Variants in ENTREP2 observed in about 807,000 individuals in gnomAD.
ENTREP2 encodes endosomal transmembrane epsin interactor 2, also known as protein ENTREP2.
At chr15:29,287,910 AC>A in the ENTREP2 span, among the ~76,000 whole-genome samples, 6 of 152,374 alleles carry the variant, frequency 3.9e-5, no homozygotes, top group African/African-American at 1.4e-4. Context: ...AAAAAGACCA[AC>A]AAGATCGAAC....
chr15:29,374,316 TATTCC>T, the ENTREP2 span: 1 of 152,140 alleles, frequency 6.6e-6, no homozygotes, highest in Non-Finnish European at 1.5e-5. Context: ...TATTTTTTAT[TATTCC>T]ATTCCATTTC....
chr15:29,500,132 T>C, the ENTREP2 span, among the ~76,000 whole-genome samples: 6 of 152,170 alleles, frequency 3.9e-5, no homozygotes, highest in East Asian at 1.2e-3. Context: ...AAATACAAAA[T>C]AGGGAATTCA....
chr15:29,269,335 G>A, the ENTREP2 span: 2 of 1,614,192 alleles, frequency 1.2e-6, no homozygotes, highest in Non-Finnish European at 1.7e-6. Context: ...GAAGAGGTCG[G>A]GGAAGATGTC....
At chr15:29,173,641 G>A in the ENTREP2 span, among the ~76,000 whole-genome samples, 5 of 152,102 alleles carry the variant, frequency 3.3e-5, no homozygotes, top group African/African-American at 4.8e-5. Flanking sequence ...GAATCGGGGG[G>A]AGATGGTCAC....
the ENTREP2 span, among the ~76,000 whole-genome samples, chr15:29,448,318 A>G: frequency 6.6e-6 from 1 of 152,156 alleles, no homozygotes; most frequent in Non-Finnish European, 1.5e-5. Flanking sequence ...AAACGAAGAC[A>G]CACCACTGAC....
At chr15:29,666,428 C>T in the ENTREP2 span, among the ~76,000 whole-genome samples, 6 of 151,940 alleles carry the variant, frequency 3.9e-5, no homozygotes, top group African/African-American at 9.7e-5. Context: ...CCCCCACCCT[C>T]GCCCAGACTG....
At chr15:29,409,798 T>C in the ENTREP2 span, among the ~76,000 whole-genome samples, 6 of 152,276 alleles carry the variant, frequency 3.9e-5, no homozygotes, top group African/African-American at 1.4e-4. Flanking sequence ...AAATTTCCAC[T>C]TTCCAGTTAT....
the ENTREP2 span, among the ~76,000 whole-genome samples, chr15:29,538,535 T>C: frequency 2.6e-5 from 4 of 151,292 alleles, no homozygotes; most frequent in Admixed American, 2.0e-4. Flanking sequence ...TGGCTCACGC[T>C]TGTAATCCCA....
the ENTREP2 span, among the ~76,000 whole-genome samples, chr15:29,666,695 T>G: frequency 6.6e-6 from 1 of 152,218 alleles, no homozygotes; most frequent in Admixed American, 6.5e-5. Context: ...GCACTTGTTA[T>G]GTCCTCTGCC....
At chr15:29,566,337 G>GT in the ENTREP2 span, among the ~76,000 whole-genome samples, 8 of 150,922 alleles carry the variant, frequency 5.3e-5, no homozygotes, top group East Asian at 2.0e-4. Context: ...TTTTTGTATT[G>GT]TTTTTTTTAG....
At chr15:29,520,870 ACTC>A in the ENTREP2 span, among the ~76,000 whole-genome samples, 1 of 152,146 alleles carries the variant, frequency 6.6e-6, no homozygotes, top group Non-Finnish European at 1.5e-5. Flanking sequence ...AAGATAAGTA[ACTC>A]CTGTACACTG....
At chr15:29,394,043 A>T in the ENTREP2 span, among the ~76,000 whole-genome samples, 1 of 152,174 alleles carries the variant, frequency 6.6e-6, no homozygotes, top group African/African-American at 2.4e-5. Flanking sequence ...CACAAAAGCA[A>T]AAAAATTAAA....
chr15:29,585,855 C>CAAAA, the ENTREP2 span, among the ~76,000 whole-genome samples: 1 of 110,874 alleles, frequency 9.0e-6, no homozygotes, highest in Non-Finnish European at 1.8e-5. Context: ...GACTCTGTCT[C>CAAAA]AAAAAAAAAA....
chr15:29,381,889 C>G, the ENTREP2 span: 1 of 1,476,478 alleles, frequency 6.8e-7, no homozygotes, highest in Non-Finnish European at 9.3e-7. Flanking sequence ...CATGGGCAAT[C>G]AAAACACTGT....
At chr15:29,353,981 C>T in the ENTREP2 span, among the ~76,000 whole-genome samples, 1 of 152,156 alleles carries the variant, frequency 6.6e-6, no homozygotes, top group Non-Finnish European at 1.5e-5. Context: ...AAGAGGTACC[C>T]AGAGAGCTGG....
chr15:29,317,614 C>T, the ENTREP2 span, among the ~76,000 whole-genome samples: 1 of 152,094 alleles, frequency 6.6e-6, no homozygotes, highest in Non-Finnish European at 1.5e-5. Context: ...TGCTTGAGTG[C>T]ATTAGACATA....
chr15:29,136,852 G>A, the ENTREP2 span, among the ~76,000 whole-genome samples: 7 of 152,262 alleles, frequency 4.6e-5, no homozygotes, highest in South Asian at 2.1e-4. Context: ...GTCTGCCTCC[G>A]GCTTCTTTCG....
At chr15:29,497,551 T>A in the ENTREP2 span, among the ~76,000 whole-genome samples, 1 of 152,174 alleles carries the variant, frequency 6.6e-6, no homozygotes, top group Non-Finnish European at 1.5e-5. Context: ...AATTTATCCA[T>A]TACTTCTGGG....
At chr15:29,604,105 C>A in the ENTREP2 span, among the ~76,000 whole-genome samples, 1 of 152,048 alleles carries the variant, frequency 6.6e-6, no homozygotes, top group African/African-American at 2.4e-5. Flanking sequence ...GCAAAGGAGT[C>A]CATGAGGAAA....
Sources: allele counts gnomAD v4.1 joint callset (sites outside exome capture counted in the v4.1 genomes callset), GRCh38; gene constraint gnomAD v4.1.1; transcripts MANE v1.5; gene names NCBI Gene and HGNC (gene_info 2026-07-23, HGNC 2026-07-21).